The following FER variants were observed in gnomAD, a reference collection of about 807,000 sequenced individuals.
FER encodes tyrosine-protein kinase Fer.
A neutral mutation model predicts 111.0 loss-of-function variants in FER; 63 were observed. That is an observed-to-expected ratio of 0.57 (90% CI 0.46 to 0.70). FER has a LOEUF of 0.70. Among genes scored for constraint, FER ranks in the 30% least tolerant of loss-of-function variants. The probability of loss-of-function intolerance (pLI) is 0.00; values close to 1 mark genes in which losing one functional copy is unlikely to be tolerated. For synonymous variants in FER, 327 were observed against 313.9 expected, an observed-to-expected ratio of 1.04 and a Z score of -0.44; for missense variants, 914 against 954.0, an observed-to-expected ratio of 0.96 and a Z score of 0.55.
rs57303941 is a variant in FER at position 108,965,731 on chromosome 5, T to C, written c.1656+6384T>C. ...ATCTCTACTATCTGATTAATGTCAA[T>C]AGCTTAACAAAAATTTTTTCTATAC... On this transcript the variant is annotated intron_variant, in intron 13 of 19. Coordinates refer to ENST00000281092, the MANE Select transcript of FER (RefSeq NM_005246.4). 5.8e-3 allele frequency among the ~76,000 whole-genome samples: 890 copies of C among 152,266 alleles called. 10 individuals carry two copies. The highest frequency in any genetic ancestry group is 0.02 in the African/African-American group (830 of 41,554).
At chr5:109,094,742 G>T (rs968123020) in intron 16 of FER, among the ~76,000 whole-genome samples, 8 of 152,162 alleles carry the variant, frequency 5.3e-5, no homozygotes, top group Admixed American at 1.3e-4. Context: ...GCTGGATTGG[G>T]CTCAAGGCCA....
At chr5:109,078,369 C>G (rs1213233075) in intron 16 of FER, among the ~76,000 whole-genome samples, 2 of 152,144 alleles carry the variant, frequency 1.3e-5, no homozygotes, top group Admixed American at 1.3e-4. Flanking sequence ...TTATTAAAAT[C>G]TGCGTGGCTA....
intron 13 of FER, among the ~76,000 whole-genome samples, chr5:109,000,026 AG>A (rs151165243): frequency 0.12 from 17,529 of 151,850 alleles, 1,094 homozygotes; most frequent in Middle Eastern, 0.16. Context: ...TGAGTCCAGC[AG>A]TTTTTTTGAT....
intron 16 of FER, among the ~76,000 whole-genome samples, chr5:109,098,180 ATTAT>A (rs940427084): frequency 1.2e-4 from 18 of 151,728 alleles, no homozygotes; most frequent in African/African-American, 4.3e-4. Context: ...CTTTTCATTC[ATTAT>A]TTAATGCTAT....
At chr5:109,168,711 A>G (rs1464740089) in intron 17 of FER, among the ~76,000 whole-genome samples, 1 of 152,218 alleles carries the variant, frequency 6.6e-6, no homozygotes, top group Non-Finnish European at 1.5e-5. Flanking sequence ...TGACCATTTG[A>G]TGTTTCACAG....
In FER at chr5:108,893,262, A is replaced by G. The variant is rs567688205; in HGVS notation, c.1047-4397A>G. 8.1e-4 allele frequency among the ~76,000 whole-genome samples: 122 copies of G among 151,382 alleles called. 2 individuals are homozygous for G. The highest frequency in any genetic ancestry group is 3.2e-4 in the Non-Finnish European group (22 of 67,880). ...GACTCTATAAATTACTTTGGGCAGT[A>G]TGGCCATTTTCACGATATTGGTTCT... On this transcript the variant is annotated intron_variant, in intron 9 of 19. Transcript: ENST00000281092.
At chr5:109,149,186 T>C (rs548703381) in intron 17 of FER, among the ~76,000 whole-genome samples, 1 of 152,268 alleles carries the variant, frequency 6.6e-6, no homozygotes, top group Admixed American at 6.5e-5. Flanking sequence ...TATTTAAAGA[T>C]GATGATTTAA....
At chr5:109,052,577 G>A (rs1339643816) in intron 16 of FER, 2 of 598,458 alleles carry the variant, frequency 3.3e-6, no homozygotes, top group Non-Finnish European at 5.9e-6. Flanking sequence ...TCTATTTAAA[G>A]TTTAAAACTC....
At chr5:109,110,231 A>G (rs1365739930) in intron 17 of FER, among the ~76,000 whole-genome samples, 1 of 152,192 alleles carries the variant, frequency 6.6e-6, no homozygotes, top group Admixed American at 6.6e-5. Flanking sequence ...GATAATAAAC[A>G]TATTTTTAAA....
At position 109,196,367 on chromosome 5, in the gene FER, T is replaced by C. The variant is rs1361718131; in HGVS notation, c.*8792T>C. The C allele has an allele frequency of 6.6e-6, 1 of 152,238 alleles. No homozygotes were observed. The highest frequency in any genetic ancestry group is 1.5e-5 in the Non-Finnish European group (1 of 68,040). 9.4% of individuals were successfully genotyped at this position (152,238 alleles called of 1,614,324 possible). A position where few individuals can be genotyped will look rare whatever the true frequency, so the allele number is the denominator to read the frequency against. ...AGCACTGCTGTGGTTTGCCGATTTA[T>C]GGTCCATTTAATGTTAGGCTAAAGC... is the stretch of plus-strand genomic sequence containing the variant. On this transcript the variant is annotated 3_prime_UTR_variant, in exon 20 of 20. Transcript: ENST00000281092.
intron 2 of FER, among the ~76,000 whole-genome samples, chr5:108,777,492 G>A (rs1753620339): frequency 6.6e-6 from 1 of 152,152 alleles, no homozygotes; most frequent in African/African-American, 2.4e-5. Context: ...CATATTATGG[G>A]TTTGGAAAAA....
chr5:109,075,149 T>C (rs1302698300), intron 16 of FER, among the ~76,000 whole-genome samples: 1 of 152,178 alleles, frequency 6.6e-6, no homozygotes, highest in Non-Finnish European at 1.5e-5. Context: ...ATCTCTTGTT[T>C]ACGCTGCTGT....
At chr5:108,907,674 A>G (rs2150351252) in intron 10 of FER, among the ~76,000 whole-genome samples, 1 of 152,216 alleles carries the variant, frequency 6.6e-6, no homozygotes, top group African/African-American at 2.4e-5. Flanking sequence ...GCACTCTTAG[A>G]TCTACATTCA....
intron 16 of FER, among the ~76,000 whole-genome samples, chr5:109,053,545 C>T (rs550339228): frequency 1.4e-3 from 216 of 149,908 alleles, no homozygotes; most frequent in African/African-American, 4.9e-3. Flanking sequence ...TGCTTTCTGT[C>T]ACTAGGTATT....
rs1759260218 is a variant in FER at position 109,189,948 on chromosome 5, A to G, written c.*2373A>G. The G allele has an allele frequency of 6.6e-6, 1 of 152,226 alleles. No individual in the cohort carries two copies. The highest frequency in any genetic ancestry group is 6.5e-5 in the Admixed American group (1 of 15,280). 9.4% of individuals were successfully genotyped at this position (152,226 alleles called of 1,614,324 possible). A position where few individuals can be genotyped will look rare whatever the true frequency, so the allele number is the denominator to read the frequency against. Reference sequence around the variant, plus strand: ...ACATCGTGACATGTGTAGCATTTAAATTCCATTTTATTCTTTGTCCTAAAG... The same window carrying G: ...ACATCGTGACATGTGTAGCATTTAAGTTCCATTTTATTCTTTGTCCTAAAG... On this transcript the variant is annotated 3_prime_UTR_variant, in exon 20 of 20. Transcript: ENST00000281092.
chr5:109,053,251 C>G (rs72790589), intron 16 of FER, among the ~76,000 whole-genome samples: 10,987 of 151,878 alleles, frequency 0.072, 526 homozygotes, highest in Middle Eastern at 0.15. Flanking sequence ...TGTGGTGGTG[C>G]ATGCCTGTGT....
chr5:108,848,582 A>G (rs1762251248), intron 5 of FER, among the ~76,000 whole-genome samples: 1 of 152,126 alleles, frequency 6.6e-6, no homozygotes, highest in Non-Finnish European at 1.5e-5. Flanking sequence ...GAATCTTACA[A>G]TAGGATAGTT....
At chr5:109,135,216 G>A (rs181346421) in intron 17 of FER, among the ~76,000 whole-genome samples, 1 of 152,270 alleles carries the variant, frequency 6.6e-6, no homozygotes, top group East Asian at 1.9e-4. Flanking sequence ...CATTTATTCA[G>A]CATTTACTGT....
intron 9 of FER, among the ~76,000 whole-genome samples, chr5:108,890,611 T>C (rs1747883076): frequency 6.6e-6 from 1 of 152,054 alleles, no homozygotes; most frequent in African/African-American, 2.4e-5. Context: ...AGGGCAACAG[T>C]CTTTTCCATT....
Sources: gnomAD v4.1 joint callset for allele counts (sites outside exome capture counted in the v4.1 genomes callset) on GRCh38, gnomAD v4.1.1 for gene constraint, MANE v1.5 for transcripts, NCBI Gene and HGNC (gene_info 2026-07-23, HGNC 2026-07-21) for gene names.